The following FRMPD4 variants were observed in gnomAD, a reference collection of about 807,000 sequenced individuals.
FRMPD4 encodes the protein FERM and PDZ domain-containing protein 4.
A neutral mutation model predicts 94.1 loss-of-function variants in FRMPD4; 22 were observed. The observed-to-expected ratio is 0.23, with a 90% CI of 0.17 to 0.33. The LOEUF is 0.33. FRMPD4 is among the 10% of genes least tolerant of loss of function. FRMPD4 has a pLI of 1.00. For missense variants in FRMPD4, 1,111 were observed against 1,339.9 expected (o/e 0.83, Z 2.67); for synonymous variants, 631 against 548.6 (o/e 1.15, Z -2.10).
chrX:12,643,083 T>C (rs2059514814), intron 4 of FRMPD4, among the ~76,000 whole-genome samples: 1 of 111,461 alleles, frequency 9.0e-6, no homozygotes, highest in South Asian at 3.8e-4. Flanking sequence ...GTCTGGATTT[T>C]ACTCTAAGAA....
intron 1 of FRMPD4, among the ~76,000 whole-genome samples, chrX:12,183,193 G>A (rs751135140): frequency 8.9e-4 from 99 of 111,534 alleles, no homozygotes; most frequent in Admixed American, 2.9e-3. Flanking sequence ...CACACCTGCC[G>A]AGATTCACAG....
At chrX:12,283,738 G>C (rs2054560169) in intron 1 of FRMPD4, among the ~76,000 whole-genome samples, 1 of 110,537 alleles carries the variant, frequency 9.0e-6, no homozygotes, top group African/African-American at 3.3e-5. Context: ...GGCACACATA[G>C]AGCATTTGTG....
chrX:12,536,997 A>G (rs1170517366), intron 2 of FRMPD4, among the ~76,000 whole-genome samples: 1 of 111,664 alleles, frequency 9.0e-6, no homozygotes, highest in Non-Finnish European at 1.9e-5. Context: ...AGCTTTTTAT[A>G]TCCCCTTAAA....
At chrX:12,292,397 A>G (rs1302749582) in intron 1 of FRMPD4, among the ~76,000 whole-genome samples, 1 of 111,357 alleles carries the variant, frequency 9.0e-6, no homozygotes, top group Non-Finnish European at 1.9e-5. Flanking sequence ...GGTGTTGCCT[A>G]TTATTATTGT....
intron 3 of FRMPD4, among the ~76,000 whole-genome samples, chrX:12,084,406 C>T (rs969326433): frequency 9.0e-6 from 1 of 110,783 alleles, no homozygotes; most frequent in African/African-American, 3.3e-5. Flanking sequence ...TTTTTATTCC[C>T]AGTTTTGGGT....
chrX:12,410,161 CCTG>C (rs766451477), intron 1 of FRMPD4, among the ~76,000 whole-genome samples: 164 of 111,096 alleles, frequency 1.5e-3, no homozygotes, highest in Middle Eastern at 4.6e-3. Flanking sequence ...TTGAAGACTT[CCTG>C]ATGTGGCTGA....
At chrX:12,713,858 T>C (rs2042033042) in intron 14 of FRMPD4, among the ~76,000 whole-genome samples, 2 of 111,866 alleles carry the variant, frequency 1.8e-5, no homozygotes, top group South Asian at 7.5e-4. Context: ...TCACCTCAAA[T>C]TGATCCCAGA....
chrX:12,716,001 T>TGGGGCCCCCCCCCCCCCCC, intron 14 of FRMPD4, 68 bp from the exon 15 acceptor site: 1 of 231,653 alleles, frequency 4.3e-6, no homozygotes, highest in Non-Finnish European at 8.2e-6. Flanking sequence ...GAGACGAGCC[T>TGGGGCCCCCCCCCCCCCCC]CCCACCCCCG....
At chrX:12,378,494 T>A (rs1024651198) in intron 1 of FRMPD4, among the ~76,000 whole-genome samples, 2 of 111,833 alleles carry the variant, frequency 1.8e-5, no homozygotes, top group East Asian at 5.6e-4. Context: ...TTGCATGGAG[T>A]GGAGTCAAAT....
At chrX:12,414,051 G>C (rs1485268410) in intron 1 of FRMPD4, among the ~76,000 whole-genome samples, 1 of 112,625 alleles carries the variant, frequency 8.9e-6, no homozygotes, top group African/African-American at 3.2e-5. Context: ...ACTATAAATA[G>C]GGATTTCCAC....
chrX:11,827,122 G>A (rs2053448834), intron 1 of FRMPD4, among the ~76,000 whole-genome samples: 1 of 98,453 alleles, frequency 1.0e-5, no homozygotes, highest in Admixed American at 1.1e-4. Flanking sequence ...TATATAAAAG[G>A]TGTATTTTAT....
At chrX:12,499,107 G>A in intron 2 of FRMPD4, among the ~76,000 whole-genome samples, 1 of 111,343 alleles carries the variant, frequency 9.0e-6, no homozygotes, top group Non-Finnish European at 1.9e-5. Context: ...TAAATATTAG[G>A]CCAAGTTGTA....
chrX:12,040,781 G>A (rs1204385842), intron 3 of FRMPD4, among the ~76,000 whole-genome samples: 4 of 109,070 alleles, frequency 3.7e-5, no homozygotes, highest in Admixed American at 9.8e-5. Flanking sequence ...CGCCCACCTC[G>A]GCCTCCCAAA....
chrX:12,323,668 A>T (rs2055243296), intron 1 of FRMPD4, among the ~76,000 whole-genome samples: 1 of 111,528 alleles, frequency 9.0e-6, no homozygotes, highest in African/African-American at 3.3e-5. Context: ...TTTTTTAAAG[A>T]TATGCTCAGG....
intron 2 of FRMPD4, among the ~76,000 whole-genome samples, chrX:12,592,714 G>A (rs1198806523): frequency 1.8e-5 from 2 of 111,686 alleles, no homozygotes; most frequent in Non-Finnish European, 3.8e-5. Flanking sequence ...TAACCATTAC[G>A]ATGTCTTTCA....
intron 1 of FRMPD4, among the ~76,000 whole-genome samples, chrX:12,262,250 A>AT (rs1012958829): frequency 1.8e-4 from 20 of 111,553 alleles, no homozygotes; most frequent in South Asian, 1.1e-3. Flanking sequence ...CATAAAACAT[A>AT]TTTTTTTTAT....
intron 1 of FRMPD4, among the ~76,000 whole-genome samples, chrX:12,383,413 G>C (rs968671731): frequency 8.9e-6 from 1 of 111,753 alleles, no homozygotes; most frequent in Non-Finnish European, 1.9e-5. Flanking sequence ...TAAGGATGCT[G>C]CTAAACCTCC....
At chrX:12,558,144 A>T (rs985747511) in intron 2 of FRMPD4, among the ~76,000 whole-genome samples, 7 of 112,507 alleles carry the variant, frequency 6.2e-5, no homozygotes, top group African/African-American at 9.7e-5. Flanking sequence ...TTCTTCCCCA[A>T]AATCTCCAAG....
chrX:12,517,789 C>T (rs184880884), intron 2 of FRMPD4, among the ~76,000 whole-genome samples: 35 of 112,898 alleles, frequency 3.1e-4, no homozygotes, highest in African/African-American at 1.1e-3. Context: ...CGGGATTCCT[C>T]CGAGCCAGCA....
Sources: allele counts gnomAD v4.1 joint callset (sites outside exome capture counted in the v4.1 genomes callset), GRCh38; gene constraint gnomAD v4.1.1; transcripts MANE v1.5; gene names NCBI Gene and HGNC (gene_info 2026-07-23, HGNC 2026-07-21).